GAREM1: variants seen among roughly 807,000 people sequenced by gnomAD.
GAREM1 encodes the protein GRB2-associated and regulator of MAPK protein 1.
In GAREM1, 26 loss-of-function variants were observed where a neutral mutation model predicts 71.3. The observed-to-expected ratio is 0.36, with a 90% confidence interval of 0.27 to 0.51. The LOEUF (loss-of-function observed/expected upper bound fraction) is 0.51, where lower values mean the gene tolerates loss of function less well. GAREM1 is among the 20% of genes least tolerant of loss of function. The pLI is 0.95. For missense variants in GAREM1, 1,026 were observed against 1,103.1 expected, an observed-to-expected ratio of 0.93 and a Z score of 0.99; for synonymous variants, 440 against 433.2, an observed-to-expected ratio of 1.02 and a Z score of -0.20.
chr18:32,325,098 AC>A (rs1458877217), intron 2 of GAREM1, among the ~76,000 whole-genome samples: 3 of 152,132 alleles, frequency 2.0e-5, no homozygotes, highest in Non-Finnish European at 4.4e-5. Flanking sequence ...AGCTGGGATT[AC>A]AGCCATGCGC....
rs569142984 is a variant in GAREM1 at position 32,462,555 on chromosome 18, C to T, written c.121+7753G>A. Among the ~76,000 whole-genome samples the T allele has an allele frequency of 5.3e-5, 8 of 152,192 alleles. No homozygotes were observed. The East Asian group carries it at 1.4e-3, about 26-fold the overall frequency. On this transcript the variant is annotated intron_variant, in intron 1 of 5. Transcript: ENST00000269209. Reference sequence around the variant, plus strand: ...TTTGCAAATATTTTCTCCTATTCTGCAAGTTGCCTTTTTGCTCCGTTGATT... The same window carrying T: ...TTTGCAAATATTTTCTCCTATTCTGTAAGTTGCCTTTTTGCTCCGTTGATT...
intron 2 of GAREM1, among the ~76,000 whole-genome samples, chr18:32,332,065 A>ATTTGTG (rs1598966992): frequency 6.6e-6 from 1 of 151,262 alleles, no homozygotes; most frequent in East Asian, 1.9e-4. Context: ...GAGGCAACTC[A>ATTTGTG]CTTGGGGCAT....
chr18:32,344,585 C>A (rs2047676829), intron 2 of GAREM1, among the ~76,000 whole-genome samples: 1 of 151,570 alleles, frequency 6.6e-6, no homozygotes, highest in African/African-American at 2.4e-5. Context: ...CTAGAAATGC[C>A]TAATTACCTG....
intron 2 of GAREM1, among the ~76,000 whole-genome samples, chr18:32,335,599 G>C (rs910401239): frequency 2.6e-5 from 4 of 152,134 alleles, no homozygotes; most frequent in African/African-American, 7.2e-5. Flanking sequence ...ATTACCTCAG[G>C]ACTCCTTCAA....
chr18:32,469,444 T>C (rs553835561), intron 1 of GAREM1, among the ~76,000 whole-genome samples: 1 of 152,286 alleles, frequency 6.6e-6, no homozygotes, highest in South Asian at 2.1e-4. Context: ...GAAGTTATGA[T>C]GAAAACAAGA....
At chr18:32,432,617 A>G (rs1017903544) in intron 1 of GAREM1, among the ~76,000 whole-genome samples, 4 of 152,180 alleles carry the variant, frequency 2.6e-5, no homozygotes, top group African/African-American at 7.2e-5. Flanking sequence ...GAATGTCACT[A>G]CTGATCTAAC....
At chr18:32,440,475 C>T (rs2048724579) in intron 1 of GAREM1, among the ~76,000 whole-genome samples, 1 of 152,132 alleles carries the variant, frequency 6.6e-6, no homozygotes. Context: ...TTAACACAAG[C>T]ACATTCAGAA....
At chr18:32,342,747 T>TA (rs1439379691) in intron 2 of GAREM1, among the ~76,000 whole-genome samples, 1 of 152,184 alleles carries the variant, frequency 6.6e-6, no homozygotes, top group African/African-American at 2.4e-5. Flanking sequence ...TTGAATACTA[T>TA]ACACATCCAA....
At chr18:32,414,074 T>A (rs1318677504) in intron 1 of GAREM1, among the ~76,000 whole-genome samples, 2 of 152,172 alleles carry the variant, frequency 1.3e-5, no homozygotes, top group East Asian at 1.9e-4. Context: ...ATACTTTTTT[T>A]AAATGAAAAA....
intron 1 of GAREM1, among the ~76,000 whole-genome samples, chr18:32,457,917 CTT>C (rs1168534464): frequency 6.6e-6 from 1 of 152,080 alleles, no homozygotes; most frequent in African/African-American, 2.4e-5. Flanking sequence ...TTTAATTTCT[CTT>C]CTTAGTCATT....
chr18:32,438,694 T>C (rs1433781069), intron 1 of GAREM1, among the ~76,000 whole-genome samples: 3 of 152,222 alleles, frequency 2.0e-5, no homozygotes, highest in African/African-American at 7.2e-5. Flanking sequence ...TCTTTAGGAA[T>C]TACCCAACTG....
intron 1 of GAREM1, among the ~76,000 whole-genome samples, chr18:32,439,991 A>C (rs2048718289): frequency 6.6e-6 from 1 of 152,232 alleles, no homozygotes; most frequent in Admixed American, 6.5e-5. Context: ...CCTTAGGACC[A>C]GCGGGGGCAC....
At chr18:32,374,162 A>G (rs2048011932) in intron 2 of GAREM1, among the ~76,000 whole-genome samples, 1 of 152,216 alleles carries the variant, frequency 6.6e-6, no homozygotes, top group Admixed American at 6.5e-5. Flanking sequence ...GGCATGAGGA[A>G]CATTCAAGTA....
At chr18:32,450,820 A>G (rs183501205) in intron 1 of GAREM1, among the ~76,000 whole-genome samples, 6 of 152,116 alleles carry the variant, frequency 3.9e-5, no homozygotes, top group African/African-American at 1.4e-4. Flanking sequence ...TACAAGGTGC[A>G]TCACTTCTGA....
chr18:32,350,724 C>G (rs2047741005), intron 2 of GAREM1, among the ~76,000 whole-genome samples: 1 of 152,066 alleles, frequency 6.6e-6, no homozygotes, highest in Non-Finnish European at 1.5e-5. Flanking sequence ...ATTTAGCAAA[C>G]AATAAATTGT....
intron 2 of GAREM1, among the ~76,000 whole-genome samples, chr18:32,381,371 TAAAC>T (rs2048096459): frequency 6.6e-6 from 1 of 152,170 alleles, no homozygotes; most frequent in African/African-American, 2.4e-5. Context: ...CCTTTAATAA[TAAAC>T]AGAGTAAGAA....
chr18:32,415,508 T>C (rs1482964816), intron 1 of GAREM1, among the ~76,000 whole-genome samples: 1 of 152,044 alleles, frequency 6.6e-6, no homozygotes, highest in East Asian at 1.9e-4. Flanking sequence ...AACAATATAC[T>C]GAGAAGCTCA....
intron 1 of GAREM1, among the ~76,000 whole-genome samples, chr18:32,453,631 T>C (rs1005432152): frequency 6.6e-6 from 1 of 152,180 alleles, no homozygotes; most frequent in South Asian, 2.1e-4. Flanking sequence ...TACGTTGTCA[T>C]TGGATTTAAA....
intron 2 of GAREM1, among the ~76,000 whole-genome samples, chr18:32,383,208 C>G (rs1385556507): frequency 1.3e-5 from 2 of 152,204 alleles, no homozygotes; most frequent in Admixed American, 6.5e-5. Context: ...AAAATCAACA[C>G]AGACACGTCT....
Sources: allele counts gnomAD v4.1 joint callset (sites outside exome capture counted in the v4.1 genomes callset), GRCh38; gene constraint gnomAD v4.1.1; transcripts MANE v1.5; gene names NCBI Gene and HGNC (gene_info 2026-07-23, HGNC 2026-07-21).